F11: variants seen among roughly 807,000 people sequenced by gnomAD.
F11 encodes coagulation factor XI, also known as coagualtion factor XI.
A neutral mutation model predicts 76.5 loss-of-function variants in F11; 78 were observed. The ratio of observed to expected loss-of-function variants is 1.02; its 90% CI spans 0.85 to 1.23. The LOEUF (loss-of-function observed/expected upper bound fraction) is 1.23, where lower values mean the gene tolerates loss of function less well. Ranked by LOEUF, F11 falls within the 50% of genes most tolerant of loss-of-function variation. F11 has a pLI of 0.00. For missense variants in F11, 742 were observed against 771.4 expected (o/e 0.96, Z 0.45); for synonymous variants, 278 against 276.3 (o/e 1.01, Z -0.06).
rs769760325 is a variant in F11 at position 186,285,795 on chromosome 4, A to G, written c.1462A>G (p.Thr488Ala). 6.2e-7 allele frequency: 1 copy of G among 1,614,162 alleles called. No individual in the cohort carries two copies. Among genetic ancestry groups the G allele is most frequent in the Non-Finnish European group, 8.5e-7 (1 of 1,180,024 alleles). Residue 488 changes from threonine to alanine, a missense_variant, in exon 12 of 15, where the codon ACC becomes GCC. Coordinates refer to ENST00000403665, the MANE Select transcript of F11 (RefSeq NM_000128.4). ...TGATATTGCCTTGTTGAAACTGGAA[A>G]CCACAGTGAATTACACAGGTACGGA... ...GYDIALLKLE[T>A]TVNYTDSQRP... is the part of the protein sequence containing the mutation.
At chr4:186,269,066 C>CT (rs1739719656) in intron 2 of F11, among the ~76,000 whole-genome samples, 1 of 152,100 alleles carries the variant, frequency 6.6e-6, no homozygotes, top group Non-Finnish European at 1.5e-5. Flanking sequence ...AGTCACAGGT[C>CT]TTTTATCTTA....
At chr4:186,285,397 C>T (rs901394064) in intron 11 of F11, among the ~76,000 whole-genome samples, 1 of 151,032 alleles carries the variant, frequency 6.6e-6, no homozygotes, top group African/African-American at 2.4e-5. Flanking sequence ...CGGGTGTGTG[C>T]GTGTGTGTGT....
At chr4:186,271,865 C>A in intron 3 of F11, 94 bp downstream of exon 3, 1 of 1,339,982 alleles carries the variant, frequency 7.5e-7, no homozygotes, top group Non-Finnish European at 1.1e-6. Context: ...TAAAATTTAA[C>A]ATTAACAACT....
intron 7 of F11, 98 bp downstream of exon 7, chr4:186,276,488 A>C: frequency 7.2e-7 from 1 of 1,382,310 alleles, no homozygotes; most frequent in Non-Finnish European, 1.0e-6. Context: ...TTTACTCTAA[A>C]TGTCAGTATA....
At chr4:186,276,016 C>A in intron 6 of F11, 120 bp downstream of exon 6, 1 of 964,068 alleles carries the variant, frequency 1.0e-6, no homozygotes, top group Non-Finnish European at 1.6e-6. Flanking sequence ...TCTTTACCTT[C>A]TTCATGTGAT....
intron 2 of F11, among the ~76,000 whole-genome samples, chr4:186,269,893 T>C (rs1230749541): frequency 1.3e-5 from 2 of 152,242 alleles, no homozygotes; most frequent in Middle Eastern, 3.2e-3. Flanking sequence ...TATTAAACGA[T>C]ATTTTAAACA....
chr4:186,271,835 C>T (rs1437696998), intron 3 of F11, 64 bp downstream of exon 3: 1 of 1,514,694 alleles, frequency 6.6e-7, no homozygotes, highest in East Asian at 2.3e-5. Flanking sequence ...ATTCTTAACA[C>T]ATTTCCATCT....
rs281875260 is a variant in F11, at chr4:186,276,390, G to C, written c.755G>C (p.Arg252Thr). 1.2e-6 allele frequency: 2 copies of C among 1,613,864 alleles called. No individual in the cohort carries two copies. Among genetic ancestry groups the C allele is most frequent in the Non-Finnish European group, 1.7e-6 (2 of 1,179,934 alleles). The change falls in exon 7 of 15, where the codon AGA becomes ACA. Residue 252 changes from arginine to threonine, a missense_variant and splice_region_variant. By Grantham distance (71) the Arg-to-Thr change is moderately conservative. Coordinates refer to ENST00000403665, the MANE Select transcript of F11 (RefSeq NM_000128.4). ...FSQEWPKESQRNLCLLKTSES... is the reference protein window; with the variant it reads ...FSQEWPKESQTNLCLLKTSES... ...CAGGAATGGCCCAAAGAATCTCAAA[G>C]GTAAGGAGTTAACAAGTAAGGATAA... is the stretch of plus-strand genomic sequence containing the variant.
intron 1 of F11, 32 bp downstream of exon 1, chr4:186,266,327 C>T (rs1739493897): frequency 6.6e-6 from 1 of 152,138 alleles, no homozygotes; most frequent in Non-Finnish European, 1.5e-5. Context: ...TTTAACATTC[C>T]TCTCAAGCAA....
chr4:186,287,346 G>A lies in F11; in HGVS notation c.1577-338G>A, dbSNP rs184565240. Among the ~76,000 whole-genome samples the A allele has an allele frequency of 1.2e-3, 185 of 151,922 alleles. 2 individuals carry two copies. The East Asian group carries it at 0.026, about 22-fold the overall frequency. Reference sequence around the variant, plus strand: ...CGCCTGTAATCCCAGCACTTTGGGAGGCCAAGATGGGTGGATCACTTGAGG... The same window carrying A: ...CGCCTGTAATCCCAGCACTTTGGGAAGCCAAGATGGGTGGATCACTTGAGG... On this transcript the variant is annotated intron_variant, in intron 13 of 14. Transcript: ENST00000403665.
chr4:186,287,949 G>A (rs954848671), intron 14 of F11, 126 bp downstream of exon 14: 4 of 1,153,328 alleles, frequency 3.5e-6, no homozygotes, highest in Non-Finnish European at 5.0e-6. Context: ...CTGTTGCCCA[G>A]GCTGGAGTGC....
At chr4:186,277,231 T>C (rs963868083) in intron 7 of F11, among the ~76,000 whole-genome samples, 3 of 152,204 alleles carry the variant, frequency 2.0e-5, no homozygotes, top group African/African-American at 4.8e-5. Context: ...GCAAAAGATA[T>C]GATTTTATGA....
At chr4:186,269,950 G>T (rs901455842) in intron 2 of F11, among the ~76,000 whole-genome samples, 1 of 152,062 alleles carries the variant, frequency 6.6e-6, no homozygotes, top group African/African-American at 2.4e-5. Flanking sequence ...AACATAATAC[G>T]TAATAGCGGA....
At chr4:186,281,538 G>A (rs558912970) in intron 10 of F11, among the ~76,000 whole-genome samples, 4 of 152,102 alleles carry the variant, frequency 2.6e-5, no homozygotes, top group African/African-American at 9.7e-5. Flanking sequence ...GCATAGTCAC[G>A]AGAGATGCTT....
chr4:186,283,111 A>C (rs1740915465), intron 10 of F11: 2 of 895,024 alleles, frequency 2.2e-6, no homozygotes, highest in Non-Finnish European at 2.7e-6. Context: ...TGTTAGAAAG[A>C]ATTTCAGGAC....
chr4:186,273,528 C>G (rs1740143077), intron 4 of F11, among the ~76,000 whole-genome samples: 1 of 152,048 alleles, frequency 6.6e-6, no homozygotes, highest in African/African-American at 2.4e-5. Context: ...TCACAGCTCA[C>G]TCCAGCCTCA....
Position 186,280,020 on chromosome 4 carries a change from G to GT in F11, c.765dup (p.Leu256SerfsTer3). On this transcript the variant is annotated frameshift_variant, in exon 8 of 15. Transcript: ENST00000403665. LOFTEE classifies it high-confidence loss of function. ...CCTTTTGTTTTTGTTAGAAATCTTT[G>GT]TCTCCTTAAAACATCTGAGAGTGGA... 1 of 1,612,506 alleles carries GT rather than the reference G, an allele frequency of 6.2e-7. No homozygotes were observed. The highest frequency in any genetic ancestry group is 8.5e-7 in the Non-Finnish European group (1 of 1,178,608).
Position 186,288,442 on chromosome 4 carries a change from C to T in F11, c.1717-11C>T, listed in dbSNP as rs753201911. ...GATCTGTGCACCTTTTCTTGTCTCC[C>T]CTCGTTCTAGGGAGATTCGGGAGGC... is the stretch of plus-strand genomic sequence containing the variant. On this transcript the variant is annotated splice_polypyrimidine_tract_variant and intron_variant, in intron 14 of 14. Transcript: ENST00000403665. 2 of 1,614,004 alleles carry T rather than the reference C, an allele frequency of 1.2e-6. No individual in the cohort carries two copies. The highest frequency in any genetic ancestry group is 1.7e-5 in the Admixed American group (1 of 60,018).
chr4:186,287,830 G>C lies in F11; in HGVS notation c.1716+7G>C. The C allele has an allele frequency of 6.2e-7, 1 of 1,611,572 alleles. No individual in the cohort carries two copies. Among genetic ancestry groups the C allele is most frequent in the East Asian group, 2.2e-5 (1 of 44,786 alleles). On this transcript the variant is annotated splice_region_variant and intron_variant, in intron 14 of 14. Transcript: ENST00000403665. Reference sequence around the variant, plus strand: ...AGGGAAGGACGCTTGCAAGGTAACAGAGTGTTCTTAGCCAATGGAATATAT... The same window carrying C: ...AGGGAAGGACGCTTGCAAGGTAACACAGTGTTCTTAGCCAATGGAATATAT...
Sources: allele counts gnomAD v4.1 joint callset (sites outside exome capture counted in the v4.1 genomes callset), GRCh38; gene constraint gnomAD v4.1.1; transcripts MANE v1.5; gene names NCBI Gene and HGNC (gene_info 2026-07-23, HGNC 2026-07-21).